ZDHHC24: variants seen among roughly 807,000 people sequenced by gnomAD.
ZDHHC24 encodes zDHHC palmitoyltransferase 24.
Under a neutral mutation model 23.2 loss-of-function variants are expected in ZDHHC24, and 17 were observed. The ratio of observed to expected loss-of-function variants is 0.73; its 90% CI spans 0.50 to 1.10. The LOEUF (loss-of-function observed/expected upper bound fraction) is 1.10. Ranked by LOEUF, ZDHHC24 falls within the 50% of genes least tolerant of loss-of-function variation. ZDHHC24 has a pLI of 0.00. For missense variants in ZDHHC24, 366 were observed against 393.0 expected (o/e 0.93, Z 0.58); for synonymous variants, 186 against 194.5 (o/e 0.96, Z 0.36).
chr11:66,533,244 C>G (rs887993633), downstream of ZDHHC24: 1 of 152,152 alleles, frequency 6.6e-6, no homozygotes, highest in Non-Finnish European at 1.5e-5. Flanking sequence ...TGGTGTCTTT[C>G]TAAAACATAC....
intron 4 of ZDHHC24, among the ~76,000 whole-genome samples, chr11:66,524,711 A>G (rs887522318): frequency 6.6e-6 from 1 of 152,222 alleles, no homozygotes; most frequent in Non-Finnish European, 1.5e-5. Flanking sequence ...TGAATCATTA[A>G]ATCAGTTTAG....
chr11:66,524,718 T>G (rs1856408464), intron 4 of ZDHHC24, among the ~76,000 whole-genome samples: 1 of 152,178 alleles, frequency 6.6e-6, no homozygotes, highest in Non-Finnish European at 1.5e-5. Flanking sequence ...TTAAATCAGT[T>G]TAGTAGATCA....
At position 66,545,334 on chromosome 11, in the gene ZDHHC24, C is replaced by T. The variant is rs373441712; in HGVS notation, c.281+389G>A. ...GATTACAGATGTGAGCCAACGCACC[C>T]GGCCTAACCACCTATTTAATATTGA... On this transcript the variant is annotated intron_variant, in intron 1 of 2. Coordinates refer to ENST00000310442, the MANE Select transcript of ZDHHC24 (RefSeq NM_207340.3). The surrounding 1 kb of genome is among the most constrained non-coding windows in gnomAD (Gnocchi z 4.5). Among the ~76,000 whole-genome samples the T allele has an allele frequency of 3.9e-5, 6 of 152,286 alleles. No individual in the cohort carries two copies. The East Asian group carries it at 9.6e-4, about 24-fold the overall frequency.
At chr11:66,530,825 A>G, downstream of ZDHHC24, 9 of 1,603,472 alleles carry the variant, frequency 5.6e-6, no homozygotes, top group Non-Finnish European at 7.7e-6. Context: ...GAAGGCAGGC[A>G]GAGCACACTG....
rs1430151544 is a variant in ZDHHC24 at position 66,526,788 on chromosome 11, A to G, written c.*21+148T>C. On this transcript the variant is annotated intron_variant, in intron 4 of 4. Transcript: ENST00000526986. The stretch of plus-strand genomic sequence containing the variant: ...GGCTTTACGTGGATCAGACACTGCG[A>G]GAGCGGGAGGCTGGCACCGGTGAGC... 38 of 1,614,118 alleles carry G rather than the reference A, an allele frequency of 2.4e-5. No individual in the cohort carries two copies. In the East Asian group the frequency reaches 8.2e-4, roughly 35 times the overall value.
downstream of ZDHHC24, chr11:66,532,164 C>G: frequency 9.9e-7 from 1 of 1,005,246 alleles, no homozygotes; most frequent in Non-Finnish European, 1.5e-6. Flanking sequence ...CTCTTAAGCA[C>G]CCGCTTCCTC....
rs188131391 is a variant in ZDHHC24 at position 66,538,011 on chromosome 11, C to T, written c.*1518G>A. ...GTAGCTCACGCCTGTAATCCTAGCA[C>T]TTTGGGAGACGGAGGTGGAGGCAGG... is the stretch of plus-strand genomic sequence containing the variant. On this transcript the variant is annotated 3_prime_UTR_variant, in exon 3 of 3. Transcript: ENST00000310442. 4 of 152,136 alleles carry T rather than the reference C, an allele frequency of 2.6e-5. No homozygotes were observed. The highest frequency in any genetic ancestry group is 2.6e-4 in the Admixed American group (4 of 15,258). 9.4% of individuals were successfully genotyped at this position (152,136 alleles called of 1,614,324 possible). A position where few individuals can be genotyped will look rare whatever the true frequency, so the allele number is the denominator to read the frequency against.
chr11:66,539,237 CTA>C lies in ZDHHC24; in HGVS notation c.*290_*291del, dbSNP rs946737493. On this transcript the variant is annotated 3_prime_UTR_variant, in exon 3 of 3. Coordinates refer to ENST00000310442, the MANE Select transcript of ZDHHC24 (RefSeq NM_207340.3). ...CAGCAACAAAGTGAGGGGCCAGAAA[CTA>C]TGCAAAGATGGAGGGAGGCTGAGAA... The C allele has an allele frequency of 5.3e-6, 6 of 1,122,758 alleles. No individual in the cohort carries two copies. In the Admixed American group the frequency reaches 3.0e-4, roughly 56 times the overall value. The allele number at this position is 1,122,758 out of a possible 1,614,324, so 69.5% of individuals were successfully genotyped here. A position where few individuals can be genotyped will look rare whatever the true frequency, so the allele number is the denominator to read the frequency against.
downstream of ZDHHC24, chr11:66,533,588 C>A (rs963519779): frequency 1.3e-5 from 2 of 152,230 alleles, no homozygotes; most frequent in East Asian, 3.9e-4. Flanking sequence ...AATTAAATTA[C>A]CTTCCTTGTA....
rs2134797993 is a variant in ZDHHC24 at position 66,523,883 on chromosome 11, G to C, written c.*22-2417C>G. On this transcript the variant is annotated intron_variant, in intron 4 of 4. Transcript: ENST00000526986. ...CCTGCTCAATGTCATCCACACCCCG[G>C]TGAGCCCCATCTCCGGCATCTGCCA... 3 of 1,612,900 alleles carry C rather than the reference G, an allele frequency of 1.9e-6. No individual in the cohort carries two copies. The South Asian group carries it at 3.3e-5, about 18-fold the overall frequency.
chr11:66,531,014 C>A, downstream of ZDHHC24: 2 of 1,614,228 alleles, frequency 1.2e-6, no homozygotes, highest in Non-Finnish European at 1.7e-6. Context: ...TTCCCTGCCC[C>A]GGGCCTTCTT....
At chr11:66,527,631 T>A (rs1236535937) in intron 3 of ZDHHC24, 1 of 135,286 alleles carries the variant, frequency 7.4e-6, no homozygotes, top group East Asian at 2.2e-4. Context: ...ATCATGCCAC[T>A]GCACTCCAGC....
chr11:66,530,756 T>C, downstream of ZDHHC24: 1 of 1,275,926 alleles, frequency 7.8e-7, no homozygotes, highest in Admixed American at 1.7e-5. Flanking sequence ...CCCCTTCTGG[T>C]CTTCTGTGTC....
chr11:66,531,781 AC>A, downstream of ZDHHC24: 1 of 1,612,310 alleles, frequency 6.2e-7, no homozygotes, highest in Non-Finnish European at 8.5e-7. Flanking sequence ...GGTGAGCAGG[AC>A]CCTGGGGAGG....
intron 4 of ZDHHC24, chr11:66,521,633 C>A: frequency 2.1e-6 from 1 of 469,550 alleles, no homozygotes; most frequent in Non-Finnish European, 3.9e-6. Flanking sequence ...AGGCTGGGCG[C>A]TGTGGCTCAC....
chr11:66,529,451 C>T, exon 3 of ZDHHC24: 2 of 807,456 alleles, frequency 2.5e-6, no homozygotes, highest in Non-Finnish European at 4.2e-6. Context: ...AAGGACTCCT[C>T]TTTGTGGTGG....
At position 66,545,812 on chromosome 11, in the gene ZDHHC24, G is replaced by C; in HGVS notation, c.192C>G (p.Asn64Lys). 6.3e-7 allele frequency: 1 copy of C among 1,579,990 alleles called. No homozygotes were observed. The highest frequency in any genetic ancestry group is 1.8e-5 in the Admixed American group (1 of 57,100). ...GGAAGAGCCCCACGTTGCCCAGCAG[G>C]TTGAGCAGCTGGAAGGCGGCCAGCG... ...QLALAAFQLL[N>K]LLGNVGLFLR... Residue 64 changes from asparagine (N) to lysine (K), a missense_variant, in exon 1 of 3, where the codon AAC becomes AAG. Coordinates refer to ENST00000310442, the MANE Select transcript of ZDHHC24 (RefSeq NM_207340.3). This position sits in a 1 kb window ranked among gnomAD's most constrained non-coding sequence, Gnocchi z 4.5.
chr11:66,530,590 A>C (rs1486571863), intron 2 of ZDHHC24, among the ~76,000 whole-genome samples: 1 of 151,544 alleles, frequency 6.6e-6, no homozygotes, highest in East Asian at 1.9e-4. Flanking sequence ...TGATCAAGCT[A>C]CCCTAGGATG....
downstream of ZDHHC24, chr11:66,533,238 GTCTT>G (rs1177579954): frequency 1.3e-5 from 2 of 152,188 alleles, no homozygotes; most frequent in Admixed American, 6.5e-5. Context: ...GAGAATTGGT[GTCTT>G]TCTAAAACAT....
Sources: allele counts gnomAD v4.1 joint callset (sites outside exome capture counted in the v4.1 genomes callset), GRCh38; gene constraint gnomAD v4.1.1; non-coding constraint Gnocchi (gnomAD v3.1); transcripts MANE v1.5; gene names NCBI Gene and HGNC (gene_info 2026-07-23, HGNC 2026-07-21).